SEM1: variants seen among roughly 807,000 people sequenced by gnomAD.
SEM1 encodes the protein SEM1 26S proteasome subunit, also known as 26S proteasome complex subunit SEM1.
A neutral mutation model predicts 12.7 loss-of-function variants in SEM1; 3 were observed. That is an observed-to-expected ratio of 0.24 (90% CI 0.11 to 0.61). SEM1 has a LOEUF of 0.61. SEM1 is among the 20% of genes least tolerant of loss of function. SEM1 has a pLI of 0.88. For missense variants in SEM1, 59 were observed against 81.3 expected, an observed-to-expected ratio of 0.73 and a Z score of 1.06; for synonymous variants, 30 against 27.8, an observed-to-expected ratio of 1.08 and a Z score of -0.25.
rs138860103 is a variant in SEM1 at position 96,638,096 on chromosome 7, G to T, written c.171-15453C>A. 1.4e-4 allele frequency among the ~76,000 whole-genome samples: 21 copies of T among 152,120 alleles called. 1 individual carries two copies. In the East Asian group the frequency reaches 4.1e-3, roughly 29 times the overall value. ...TGCTACTTTTAAATAATGTTACATG[G>T]TATTGTTTTTATACTCAGTTATTAA... On this transcript the variant is annotated intron_variant, in intron 2 of 2. Transcript: ENST00000417009.
chr7:96,513,566 C>T (rs1428419973), intron 2 of SEM1, among the ~76,000 whole-genome samples: 1 of 152,026 alleles, frequency 6.6e-6, no homozygotes, highest in Non-Finnish European at 1.5e-5. Flanking sequence ...CAGTGGCTCA[C>T]ACCTGTAATC....
chr7:96,673,264 C>T (rs571033664), downstream of SEM1: 84 of 154,472 alleles, frequency 5.4e-4, no homozygotes, highest in South Asian at 0.014. Flanking sequence ...TACAGGCATG[C>T]ACCACCATGC....
At chr7:96,668,689 A>G (rs1372227152), downstream of SEM1, among the ~76,000 whole-genome samples, 1 of 152,152 alleles carries the variant, frequency 6.6e-6, no homozygotes, top group Non-Finnish European at 1.5e-5. Context: ...AAGTTCCTTC[A>G]TATGTCAGGG....
At chr7:96,531,111 T>C (rs1241205845) in intron 2 of SEM1, among the ~76,000 whole-genome samples, 4 of 152,118 alleles carry the variant, frequency 2.6e-5, no homozygotes, top group African/African-American at 9.7e-5. Context: ...GGAGATATTA[T>C]TATGGATGAA....
chr7:96,555,770 G>C (rs1805467767), intron 2 of SEM1, among the ~76,000 whole-genome samples: 13 of 145,018 alleles, frequency 9.0e-5, no homozygotes, highest in South Asian at 2.2e-4. Flanking sequence ...TCGTTGATCT[G>C]TCTAATGTTG....
intron 2 of SEM1, among the ~76,000 whole-genome samples, chr7:96,677,064 T>TCA (rs1247575083): frequency 6.6e-6 from 1 of 152,080 alleles, no homozygotes. Context: ...GTTCCATCAA[T>TCA]CACCGAAGGG....
At chr7:96,497,319 T>C (rs567600642), upstream of SEM1, among the ~76,000 whole-genome samples, 1 of 152,280 alleles carries the variant, frequency 6.6e-6, no homozygotes, top group Non-Finnish European at 1.5e-5. Flanking sequence ...GCCTTAATCA[T>C]ACCTTAAGCA....
chr7:96,494,533 A>G (rs942713369), intron 1 of SEM1, among the ~76,000 whole-genome samples: 1 of 152,156 alleles, frequency 6.6e-6, no homozygotes, highest in Non-Finnish European at 1.5e-5. Context: ...GGGAATACAA[A>G]TCATTTTTCT....
At chr7:96,483,767 C>G (rs928392329) in exon 4 of SEM1, 1 of 1,493,258 alleles carries the variant, frequency 6.7e-7, no homozygotes, top group Non-Finnish European at 9.0e-7. Context: ...GCCTTGAAGA[C>G]AGAGAGCCAG....
chr7:96,614,061 G>A (rs1807629537), intron 2 of SEM1, among the ~76,000 whole-genome samples: 1 of 152,166 alleles, frequency 6.6e-6, no homozygotes, highest in South Asian at 2.1e-4. Flanking sequence ...GGATATATGT[G>A]CAGAAGTGAG....
chr7:96,602,450 G>C (rs1807224451), intron 2 of SEM1, among the ~76,000 whole-genome samples: 1 of 152,146 alleles, frequency 6.6e-6, no homozygotes, highest in African/African-American at 2.4e-5. Context: ...CATTTAGACA[G>C]GCTATGCACT....
intron 2 of SEM1, 143 bp from the exon 3 acceptor site, chr7:96,689,109 G>GAA (rs199572054): frequency 1.5e-5 from 7 of 472,000 alleles, no homozygotes; most frequent in African/African-American, 2.1e-5. Context: ...TTTTGTCTCT[G>GAA]AAAAAAAAAC....
intron 2 of SEM1, among the ~76,000 whole-genome samples, chr7:96,682,532 T>C (rs950493343): frequency 2.6e-5 from 4 of 152,030 alleles, no homozygotes; most frequent in Admixed American, 1.3e-4. Flanking sequence ...TTGTCATAAA[T>C]AGCTCTTACT....
At chr7:96,709,655 C>A (rs774884234) in intron 1 of SEM1, 33 bp downstream of exon 1, 1 of 1,605,414 alleles carries the variant, frequency 6.2e-7, no homozygotes, top group South Asian at 1.1e-5. Context: ...AGTCACCGTT[C>A]GCGCGACACA....
chr7:96,560,947 A>G (rs904237763), intron 2 of SEM1, among the ~76,000 whole-genome samples: 2 of 151,980 alleles, frequency 1.3e-5, no homozygotes, highest in African/African-American at 4.8e-5. Flanking sequence ...GTGCTGTTTA[A>G]TTTAATTTTA....
intron 2 of SEM1, among the ~76,000 whole-genome samples, chr7:96,610,025 G>A (rs1807493526): frequency 6.6e-6 from 1 of 151,876 alleles, no homozygotes; most frequent in Non-Finnish European, 1.5e-5. Flanking sequence ...AGCTTTCCCA[G>A]TAATTGTGAA....
rs533162104 is a variant in SEM1, at chr7:96,552,109, G to A, written c.171-45411C>T. On this transcript the variant is annotated intron_variant and NMD_transcript_variant, in intron 2 of 3. Coordinates refer to the SEM1 transcript ENST00000466986. Reference sequence around the variant, plus strand: ...TAGTGGGGAGTAGCCCAGGGGAAGCGTGGCCTCACCATGAAGGTGGTAGTA... The same window carrying A: ...TAGTGGGGAGTAGCCCAGGGGAAGCATGGCCTCACCATGAAGGTGGTAGTA... Among the ~76,000 whole-genome samples the A allele has an allele frequency of 4.6e-5, 7 of 152,278 alleles. 1 individual carries two copies. The highest frequency in any genetic ancestry group is 1.4e-4 in the African/African-American group (6 of 41,542).
At chr7:96,687,623 G>A (rs1480920534), downstream of SEM1, among the ~76,000 whole-genome samples, 2 of 151,810 alleles carry the variant, frequency 1.3e-5, no homozygotes, top group East Asian at 3.9e-4. Flanking sequence ...TCACACTCTG[G>A]GGACTGTTGT....
chr7:96,618,059 T>C (rs1807772808), downstream of SEM1, among the ~76,000 whole-genome samples: 1 of 152,166 alleles, frequency 6.6e-6, no homozygotes, highest in Non-Finnish European at 1.5e-5. Flanking sequence ...TTACAAAGAG[T>C]TCCCCCCTCC....
Sources: gnomAD v4.1 joint callset for allele counts (sites outside exome capture counted in the v4.1 genomes callset) on GRCh38, gnomAD v4.1.1 for gene constraint, MANE v1.5 for transcripts, NCBI Gene and HGNC (gene_info 2026-07-23, HGNC 2026-07-21) for gene names.